Variants in SLC27A1 observed in about 807,000 individuals in gnomAD.
SLC27A1 encodes the protein solute carrier family 27 member 1.
In SLC27A1, 61 loss-of-function variants were observed where a neutral mutation model predicts 62.2. The ratio of observed to expected loss-of-function variants is 0.98; its 90% CI spans 0.80 to 1.21. The LOEUF is 1.21. Ranked by LOEUF, SLC27A1 falls within the 50% of genes most tolerant of loss-of-function variation. SLC27A1 has a pLI of 0.00. For missense variants in SLC27A1, 903 were observed against 932.1 expected (o/e 0.97, Z 0.41); for synonymous variants, 435 against 408.6 (o/e 1.06, Z -0.78).
Position 17,505,160 on chromosome 19 carries a change from C to T in SLC27A1, c.*548C>T. On this transcript the variant is annotated 3_prime_UTR_variant, in exon 12 of 12. Coordinates refer to ENST00000252595, the MANE Select transcript of SLC27A1 (RefSeq NM_198580.3). ...CCGCTGGCCTCGGCCTCCCAGAGTG[C>T]TGGGATTATAGGCGTGAGCCTCTGG... is the stretch of plus-strand genomic sequence containing the variant. 2.9e-6 allele frequency: 1 copy of T among 340,130 alleles called. No individual in the cohort carries two copies. Among genetic ancestry groups the T allele is most frequent in the East Asian group, 8.0e-5 (1 of 12,552 alleles). 21.1% of individuals were successfully genotyped at this position (340,130 alleles called of 1,614,324 possible).
intron 7 of SLC27A1, 122 bp from the exon 8 acceptor site, chr19:17,500,156 C>T (rs1397581195): frequency 1.2e-5 from 18 of 1,471,666 alleles, no homozygotes; most frequent in Admixed American, 6.7e-5. Context: ...CAGCCAAGGT[C>T]ACAGAGCTTA....
chr19:17,499,293 C>T (rs1405095567), intron 7 of SLC27A1: 1 of 154,350 alleles, frequency 6.5e-6, no homozygotes, highest in African/African-American at 2.4e-5. Context: ...GGTCACTACT[C>T]ACTGTGTCCC....
chr19:17,476,526 A>G (rs1170480632), intron 1 of SLC27A1, among the ~76,000 whole-genome samples: 1 of 127,036 alleles, frequency 7.9e-6, no homozygotes, highest in Non-Finnish European at 1.6e-5. Context: ...TGACAGAGTG[A>G]GACTCTGTCT....
chr19:17,477,240 CTTTTTT>C (rs1221324202), intron 1 of SLC27A1, among the ~76,000 whole-genome samples: 1 of 43,808 alleles, frequency 2.3e-5, no homozygotes, highest in Non-Finnish European at 4.0e-5. Context: ...ATGAGCAGCG[CTTTTTT>C]TTTTTTTTTT....
rs552964040 is a variant in SLC27A1, at chr19:17,485,346, C to G, written c.168-1217C>G. On this transcript the variant is annotated intron_variant, in intron 1 of 11. Coordinates refer to ENST00000252595, the MANE Select transcript of SLC27A1 (RefSeq NM_198580.3). ...CTGGGATTACAGGCGCCCACCATCA[C>G]GCCTGGCTAATTTTTGTATTTTTAG... is the stretch of plus-strand genomic sequence containing the variant. Among the ~76,000 whole-genome samples, 35 of 151,600 alleles carry G rather than the reference C, an allele frequency of 2.3e-4. No homozygotes were observed. The South Asian group carries it at 7.3e-3, about 32-fold the overall frequency.
upstream of SLC27A1, among the ~76,000 whole-genome samples, chr19:17,470,050 G>C (rs569191363): frequency 7.8e-4 from 118 of 152,228 alleles, no homozygotes; most frequent in African/African-American, 2.7e-3. Flanking sequence ...CCACGGGGTA[G>C]AGGCAGGACC....
chr19:17,492,815 G>C (rs1238627254), intron 6 of SLC27A1, among the ~76,000 whole-genome samples: 2 of 151,306 alleles, frequency 1.3e-5, no homozygotes, highest in Non-Finnish European at 2.9e-5. Flanking sequence ...GCACATGCCT[G>C]TAATCCCAGC....
intron 1 of SLC27A1, among the ~76,000 whole-genome samples, chr19:17,481,144 C>T (rs1316556246): frequency 1.3e-5 from 2 of 151,810 alleles, no homozygotes; most frequent in Non-Finnish European, 2.9e-5. Context: ...AGGCTGGTCT[C>T]GAACTCCCAA....
chr19:17,475,883 AGG>A (rs894313873), intron 1 of SLC27A1, among the ~76,000 whole-genome samples: 7 of 152,080 alleles, frequency 4.6e-5, no homozygotes, highest in African/African-American at 1.7e-4. Context: ...GCTGCCAGGC[AGG>A]GCTGCCTAGG....
rs1333431896 is a variant in SLC27A1 at position 17,489,254 on chromosome 19, C to T, written c.996+137C>T. 1.2e-5 allele frequency: 8 copies of T among 680,312 alleles called. 2 individuals are homozygous for T. The South Asian group carries it at 1.3e-4, about 11-fold the overall frequency. The allele number at this position is 680,312 out of a possible 1,614,324, so 42.1% of individuals were successfully genotyped here. ...CCACCTCCTCCTGGTCAGGTCCCGTCCTCTCCCAGCCAGGCCCCGCCCCCC... is the reference window on the plus strand; with the variant it reads ...CCACCTCCTCCTGGTCAGGTCCCGTTCTCTCCCAGCCAGGCCCCGCCCCCC... On this transcript the variant is annotated intron_variant, in intron 6 of 11. Transcript: ENST00000252595.
chr19:17,487,151 G>A, intron 2 of SLC27A1, 23 bp from the exon 3 acceptor site: 1 of 1,613,768 alleles, frequency 6.2e-7, no homozygotes. Context: ...CGGTGACCAT[G>A]ACCCATGTGT....
chr19:17,470,234 G>C (rs905846510), upstream of SLC27A1, among the ~76,000 whole-genome samples: 1 of 152,002 alleles, frequency 6.6e-6, no homozygotes, highest in African/African-American at 2.4e-5. Context: ...GAATAGAGCG[G>C]ACCCAGGGTC....
Position 17,489,242 on chromosome 19 carries a change from G to A in SLC27A1, c.996+125G>A, listed in dbSNP as rs1599657186. On this transcript the variant is annotated intron_variant, in intron 6 of 11. Coordinates refer to ENST00000252595, the MANE Select transcript of SLC27A1 (RefSeq NM_198580.3). Reference sequence around the variant, plus strand: ...CCCAGCAAAGCCCCACCTCCTCCTGGTCAGGTCCCGTCCTCTCCCAGCCAG... The same window carrying A: ...CCCAGCAAAGCCCCACCTCCTCCTGATCAGGTCCCGTCCTCTCCCAGCCAG... The A allele has an allele frequency of 6.7e-6, 5 of 751,012 alleles. No homozygotes were observed. In the South Asian group the frequency reaches 7.1e-5, roughly 11 times the overall value. 46.5% of individuals were successfully genotyped at this position (751,012 alleles called of 1,614,324 possible). A position where few individuals can be genotyped will look rare whatever the true frequency, so the allele number is the denominator to read the frequency against.
intron 1 of SLC27A1, among the ~76,000 whole-genome samples, chr19:17,485,576 T>C (rs1222122078): frequency 1.3e-5 from 2 of 151,938 alleles, no homozygotes; most frequent in Admixed American, 1.3e-4. Flanking sequence ...ACACCTGTAA[T>C]TCCAATACTT....
intron 6 of SLC27A1, 165 bp from the exon 7 acceptor site, chr19:17,497,090 G>A: frequency 1.8e-6 from 1 of 558,912 alleles, no homozygotes; most frequent in Non-Finnish European, 3.1e-6. Flanking sequence ...AGGAGTCAAT[G>A]TGGTCCCTAA....
Position 17,500,865 on chromosome 19 carries a change from TG to T in SLC27A1, c.1627del (p.Ala543LeufsTer81), listed in dbSNP as rs1165644049. On this transcript the variant is annotated frameshift_variant, in exon 10 of 12. Transcript: ENST00000252595. LOFTEE classifies it high-confidence loss of function. Reference sequence around the variant, plus strand: ...CAGACAGACGTGGCCGTCTATGGGGTGGCTGTTCCAGGCAAGCTGGGGTTGC... The same window carrying T: ...CAGACAGACGTGGCCGTCTATGGGGTGCTGTTCCAGGCAAGCTGGGGTTGC... ...LGQTDVAVYG[V>X]AVPGVEGKAG... 1.2e-6 allele frequency: 2 copies of T among 1,607,332 alleles called. No homozygotes were observed. Among genetic ancestry groups the T allele is most frequent in the African/African-American group, 2.7e-5 (2 of 74,544 alleles).
intron 1 of SLC27A1, among the ~76,000 whole-genome samples, chr19:17,482,904 G>T (rs896951752): frequency 2.0e-5 from 3 of 152,064 alleles, no homozygotes; most frequent in African/African-American, 7.2e-5. Flanking sequence ...ATAGATGCTA[G>T]AGATGCACAG....
At chr19:17,487,030 C>T (rs766048062) in intron 2 of SLC27A1, 73 bp downstream of exon 2, 15 of 1,540,080 alleles carry the variant, frequency 9.7e-6, no homozygotes, top group Non-Finnish European at 1.3e-5. Context: ...AGATGCTGCG[C>T]CCCAGGCCTC....
chr19:17,487,443 A>C lies in SLC27A1; in HGVS notation c.725-17A>C. On this transcript the variant is annotated splice_polypyrimidine_tract_variant and intron_variant, in intron 3 of 11. Coordinates refer to ENST00000252595, the MANE Select transcript of SLC27A1 (RefSeq NM_198580.3). Reference sequence around the variant, plus strand: ...CCAATGCTCAGGCCCCACCCCTAACACCTGTATCTCCTGCAGATCGTCTTT... The same window carrying C: ...CCAATGCTCAGGCCCCACCCCTAACCCCTGTATCTCCTGCAGATCGTCTTT... 1 of 1,582,014 alleles carries C rather than the reference A, an allele frequency of 6.3e-7. No homozygotes were observed. The highest frequency in any genetic ancestry group is 1.5e-5 in the African/African-American group (1 of 67,580).
Sources: allele counts gnomAD v4.1 joint callset (sites outside exome capture counted in the v4.1 genomes callset), GRCh38; gene constraint gnomAD v4.1.1; transcripts MANE v1.5; gene names NCBI Gene and HGNC (gene_info 2026-07-23, HGNC 2026-07-21).